Variants in INPP4B observed in about 807,000 individuals in gnomAD.
INPP4B encodes the protein inositol polyphosphate 4-phosphatase type II.
A neutral mutation model predicts 122.5 loss-of-function variants in INPP4B; 55 were observed. The ratio of observed to expected loss-of-function variants is 0.45; its 90% confidence interval spans 0.36 to 0.56. INPP4B has a LOEUF of 0.56. INPP4B is among the 20% of genes least tolerant of loss of function. The pLI is 0.00. For synonymous variants in INPP4B, 403 were observed against 388.7 expected (o/e 1.04, Z -0.43); for missense variants, 1,000 against 1,097.7 (o/e 0.91, Z 1.26).
intron 7 of INPP4B, among the ~76,000 whole-genome samples, chr4:142,384,686 T>G (rs1795345434): frequency 6.6e-6 from 1 of 152,182 alleles, no homozygotes; most frequent in Non-Finnish European, 1.5e-5. Context: ...TAATTTATTT[T>G]TATTTTATTT....
intron 1 of INPP4B, among the ~76,000 whole-genome samples, chr4:142,774,230 G>A (rs1773514225): frequency 6.6e-6 from 1 of 152,038 alleles, no homozygotes; most frequent in South Asian, 2.1e-4. Flanking sequence ...AGGCCTGCCT[G>A]GAGCTGTCTG....
intron 25 of INPP4B, among the ~76,000 whole-genome samples, chr4:142,058,299 C>A (rs915751964): frequency 6.6e-6 from 1 of 152,032 alleles, no homozygotes; most frequent in Non-Finnish European, 1.5e-5. Flanking sequence ...TTCATCAGAT[C>A]ATATTATTAT....
chr4:142,077,384 T>C (rs188495734), intron 25 of INPP4B, among the ~76,000 whole-genome samples: 5 of 152,056 alleles, frequency 3.3e-5, no homozygotes. Context: ...ATCCTAGAGT[T>C]CCTGTTAAGG....
At chr4:142,108,246 C>T in intron 22 of INPP4B, 56 bp from the exon 23 acceptor site, 1 of 836,694 alleles carries the variant, frequency 1.2e-6, no homozygotes, top group Non-Finnish European at 2.0e-6. Context: ...CAAAAAGTAA[C>T]ACATTTTACC....
intron 7 of INPP4B, among the ~76,000 whole-genome samples, chr4:142,333,927 G>A (rs752973272): frequency 1.4e-4 from 22 of 152,094 alleles, no homozygotes; most frequent in Admixed American, 1.4e-3. Context: ...ATACAATATA[G>A]TATTGTTAGC....
At chr4:142,548,362 A>T (rs185330826) in intron 2 of INPP4B, among the ~76,000 whole-genome samples, 53 of 152,320 alleles carry the variant, frequency 3.5e-4, no homozygotes, top group Middle Eastern at 6.8e-3. Context: ...GAATATAAAC[A>T]TCCAAACAGA....
chr4:142,656,350 G>A (rs893065550), intron 2 of INPP4B, among the ~76,000 whole-genome samples: 3 of 152,144 alleles, frequency 2.0e-5, no homozygotes, highest in Admixed American at 6.5e-5. Context: ...CATTTTTGGC[G>A]CCCAACATGG....
intron 7 of INPP4B, among the ~76,000 whole-genome samples, chr4:142,368,528 A>G (rs1307208842): frequency 6.6e-6 from 1 of 152,116 alleles, no homozygotes. Flanking sequence ...CATAAACCAC[A>G]TAATTTGAGG....
chr4:142,485,782 C>T (rs780235872), intron 2 of INPP4B, among the ~76,000 whole-genome samples: 52 of 152,238 alleles, frequency 3.4e-4, no homozygotes, highest in Non-Finnish European at 6.0e-4. Context: ...GGTAATTACA[C>T]GCATAAACTA....
At position 142,527,031 on chromosome 4, in the gene INPP4B, G is replaced by A. The variant is rs188704660; in HGVS notation, c.-190-64305C>T. Among the ~76,000 whole-genome samples, 970 of 152,066 alleles carry A rather than the reference G, an allele frequency of 6.4e-3. 23 individuals carry two copies. Among genetic ancestry groups the A allele is most frequent in the Admixed American group, 0.032 (494 of 15,240 alleles). ...AATTCATCTACAACCACAGCTAGAA[G>A]TTTTGAAACAAGTTCTAAAGTTGAA... On this transcript the variant is annotated intron_variant, in intron 2 of 25. Transcript: ENST00000262992.
chr4:142,474,616 G>C (rs955048116), intron 2 of INPP4B, among the ~76,000 whole-genome samples: 1 of 152,098 alleles, frequency 6.6e-6, no homozygotes, highest in African/African-American at 2.4e-5. Flanking sequence ...TTGTTGCCCA[G>C]GAAAACACCC....
At position 142,160,458 on chromosome 4, in the gene INPP4B, G is replaced by A. The variant is rs766573946; in HGVS notation, c.1463C>T (p.Pro488Leu). 1 of 1,612,622 alleles carries A rather than the reference G, an allele frequency of 6.2e-7. No homozygotes were observed. The highest frequency in any genetic ancestry group is 8.5e-7 in the Non-Finnish European group (1 of 1,179,140). The change falls in exon 17 of 26, where the codon CCT becomes CTT. Residue 488 changes from proline (P) to leucine (L), a missense_variant. Physicochemically the swap from Pro to Leu is moderately conservative, Grantham distance 98. Coordinates refer to ENST00000262992, the MANE Select transcript of INPP4B (RefSeq NM_001101669.3). ...PGGILKKPPS[P>L]KSSTEESSPQ... ...ACTGCTCTCCTCTGTGCTGCTCTTAGGAGAGGGTGGCTTCTTAAGAATGCC... is the reference window on the plus strand; with the variant it reads ...ACTGCTCTCCTCTGTGCTGCTCTTAAGAGAGGGTGGCTTCTTAAGAATGCC...
intron 12 of INPP4B, among the ~76,000 whole-genome samples, chr4:142,220,544 T>C (rs1031691451): frequency 6.6e-6 from 1 of 152,216 alleles, no homozygotes; most frequent in Admixed American, 6.5e-5. Flanking sequence ...ATTCTCATTT[T>C]AGAAATGAGA....
chr4:142,209,906 T>C (rs1844192591), intron 12 of INPP4B, among the ~76,000 whole-genome samples: 1 of 151,934 alleles, frequency 6.6e-6, no homozygotes, highest in Admixed American at 6.6e-5. Context: ...CTACTGTATG[T>C]GTATGCGTTG....
At chr4:142,679,919 C>G (rs1758381585) in intron 2 of INPP4B, among the ~76,000 whole-genome samples, 1 of 151,652 alleles carries the variant, frequency 6.6e-6, no homozygotes, top group South Asian at 2.1e-4. Flanking sequence ...AATAGATACC[C>G]TACGGTATTA....
chr4:142,431,135 A>G (rs370326859), intron 4 of INPP4B, 34 bp downstream of exon 4: 2 of 1,525,864 alleles, frequency 1.3e-6, no homozygotes, highest in African/African-American at 1.4e-5. Flanking sequence ...GCATCTTTAG[A>G]TGCAAAAACA....
chr4:142,115,358 G>A lies in INPP4B; in HGVS notation c.2136-2676C>T, dbSNP rs552598943. On this transcript the variant is annotated intron_variant, in intron 21 of 25. Coordinates refer to ENST00000262992, the MANE Select transcript of INPP4B (RefSeq NM_001101669.3). ...AAGAGCAACTCTAAGACACATAATT[G>A]TCAGATTTACCAAAGTTGAAATGAA... Among the ~76,000 whole-genome samples the A allele has an allele frequency of 5.3e-5, 8 of 152,206 alleles. No homozygotes were observed. The East Asian group carries it at 1.5e-3, about 29-fold the overall frequency.
chr4:142,757,321 T>C (rs1770651383), intron 1 of INPP4B, among the ~76,000 whole-genome samples: 1 of 152,088 alleles, frequency 6.6e-6, no homozygotes, highest in Non-Finnish European at 1.5e-5. Flanking sequence ...TTACTATGGG[T>C]TTGTTCTTGA....
intron 1 of INPP4B, among the ~76,000 whole-genome samples, chr4:142,842,706 A>G (rs1196908459): frequency 2.3e-5 from 3 of 132,460 alleles, no homozygotes; most frequent in Non-Finnish European, 3.1e-5. Flanking sequence ...TATAATATAT[A>G]AATATAATAT....
Sources: allele counts gnomAD v4.1 joint callset (sites outside exome capture counted in the v4.1 genomes callset), GRCh38; gene constraint gnomAD v4.1.1; transcripts MANE v1.5; gene names NCBI Gene and HGNC (gene_info 2026-07-23, HGNC 2026-07-21).